Variants in ACAP2 observed in about 807,000 individuals in gnomAD.
The protein encoded by ACAP2 is arf-GAP with coiled-coil, ANK repeat and PH domain-containing protein 2.
Under a neutral mutation model 115.8 loss-of-function variants are expected in ACAP2, and 39 were observed. The ratio of observed to expected loss-of-function variants is 0.34; its 90% CI spans 0.26 to 0.44. ACAP2 has a LOEUF of 0.44. Among genes scored for constraint, ACAP2 ranks in the 20% least tolerant of loss-of-function variants. The probability of loss-of-function intolerance (pLI) is 1.00; values close to 1 mark genes in which losing one functional copy is unlikely to be tolerated. For missense variants in ACAP2, 662 were observed against 927.6 expected (o/e 0.71, Z 3.72); for synonymous variants, 289 against 315.8 (o/e 0.92, Z 0.90).
At chr3:195,352,840 G>A (rs898290354) in intron 4 of ACAP2, among the ~76,000 whole-genome samples, 1 of 152,108 alleles carries the variant, frequency 6.6e-6, no homozygotes, top group African/African-American at 2.4e-5. Context: ...CAGCACTTTG[G>A]GAGGCTGAGG....
chr3:195,354,451 T>A (rs549410108), intron 4 of ACAP2, among the ~76,000 whole-genome samples: 1 of 152,352 alleles, frequency 6.6e-6, no homozygotes, highest in East Asian at 1.9e-4. Flanking sequence ...GAGCTTTTTT[T>A]ATATGAGTGT....
chr3:195,340,327 A>G (rs1287867516), intron 6 of ACAP2, among the ~76,000 whole-genome samples: 2 of 151,778 alleles, frequency 1.3e-5, no homozygotes, highest in African/African-American at 4.8e-5. Context: ...CAATTAGATA[A>G]GGGCAAAAGG....
intron 5 of ACAP2, 76 bp downstream of exon 5, chr3:195,345,183 T>C: frequency 9.7e-7 from 1 of 1,025,966 alleles, no homozygotes; most frequent in Non-Finnish European, 1.5e-6. Context: ...GTATATAACT[T>C]CTTCCAAAAG....
chr3:195,289,596 C>A (rs1188797864), intron 20 of ACAP2, among the ~76,000 whole-genome samples: 2 of 151,308 alleles, frequency 1.3e-5, no homozygotes, highest in African/African-American at 4.9e-5. Flanking sequence ...GTCAGGAGAT[C>A]GAGACCATCC....
intron 4 of ACAP2, among the ~76,000 whole-genome samples, chr3:195,375,722 A>G (rs756347450): frequency 6.6e-6 from 1 of 152,066 alleles, no homozygotes. Context: ...TGAGGCTCCT[A>G]GGAGAATCAC....
At chr3:195,328,286 TA>T (rs1477210524) in intron 8 of ACAP2, among the ~76,000 whole-genome samples, 6 of 152,208 alleles carry the variant, frequency 3.9e-5, no homozygotes, top group Non-Finnish European at 8.8e-5. Flanking sequence ...TTTTAAGTTA[TA>T]TTTTTTTAAA....
intron 1 of ACAP2, among the ~76,000 whole-genome samples, chr3:195,417,619 G>A (rs1465987354): frequency 1.3e-5 from 2 of 152,134 alleles, no homozygotes; most frequent in African/African-American, 4.8e-5. Flanking sequence ...CACACTGCAA[G>A]TACCATGTTC....
At chr3:195,391,258 T>G (rs1043672520) in intron 2 of ACAP2, among the ~76,000 whole-genome samples, 7 of 149,560 alleles carry the variant, frequency 4.7e-5, no homozygotes, top group African/African-American at 1.5e-4. Context: ...AGATGGAGTT[T>G]CACTCTTGTT....
intron 4 of ACAP2, among the ~76,000 whole-genome samples, chr3:195,368,699 T>C (rs1732902272): frequency 6.6e-6 from 1 of 152,236 alleles, no homozygotes; most frequent in South Asian, 2.1e-4. Flanking sequence ...TTCTTCATTT[T>C]TATTTATCAT....
At chr3:195,433,765 TA>T (rs1715320937) in intron 1 of ACAP2, among the ~76,000 whole-genome samples, 1 of 152,256 alleles carries the variant, frequency 6.6e-6, no homozygotes, top group African/African-American at 2.4e-5. Context: ...TTTTGTATAT[TA>T]AATCAACTTT....
At chr3:195,305,747 C>A (rs1032791337) in intron 13 of ACAP2, among the ~76,000 whole-genome samples, 2 of 152,000 alleles carry the variant, frequency 1.3e-5, no homozygotes, top group African/African-American at 2.4e-5. Flanking sequence ...CAAGTTCACG[C>A]AAACGTGGCT....
At chr3:195,398,909 G>GC (rs1712034950) in intron 1 of ACAP2, among the ~76,000 whole-genome samples, 1 of 152,078 alleles carries the variant, frequency 6.6e-6, no homozygotes, top group Non-Finnish European at 1.5e-5. Context: ...ACTCATACGA[G>GC]CCCCTGAGAA....
intron 20 of ACAP2, 39 bp from the exon 21 acceptor site, chr3:195,289,270 A>T (rs760470012): frequency 2.0e-6 from 3 of 1,470,580 alleles, no homozygotes; most frequent in Admixed American, 4.1e-5. Context: ...ATTGTCGATA[A>T]GAAAAAAAAA....
Position 195,333,024 on chromosome 3 carries a change from T to C in ACAP2, c.669+4A>G, listed in dbSNP as rs1367262196. 1 of 1,586,816 alleles carries C rather than the reference T, an allele frequency of 6.3e-7. No individual in the cohort carries two copies. The highest frequency in any genetic ancestry group is 1.4e-5 in the African/African-American group (1 of 73,474). Reference sequence around the variant, plus strand: ...CAGAATCAAGAAATATACTGCAACATTACCTGTGCACCAAGATCCTTCATG... The same window carrying C: ...CAGAATCAAGAAATATACTGCAACACTACCTGTGCACCAAGATCCTTCATG... On this transcript the variant is annotated splice_donor_region_variant and intron_variant, in intron 8 of 22. Coordinates refer to ENST00000326793, the MANE Select transcript of ACAP2 (RefSeq NM_012287.6).
chr3:195,294,031 C>T (rs1297439014), intron 18 of ACAP2, among the ~76,000 whole-genome samples: 1 of 151,360 alleles, frequency 6.6e-6, no homozygotes, highest in African/African-American at 2.4e-5. Flanking sequence ...CCCAGCTACT[C>T]GGGAGGCTGA....
chr3:195,319,239 G>C (rs1423954566), intron 10 of ACAP2, among the ~76,000 whole-genome samples: 1 of 152,222 alleles, frequency 6.6e-6, no homozygotes, highest in African/African-American at 2.4e-5. Flanking sequence ...GTCTGCGGCA[G>C]GGGAGGAGCC....
intron 21 of ACAP2, 145 bp from the exon 22 acceptor site, chr3:195,286,002 G>A: frequency 3.3e-6 from 2 of 600,270 alleles, no homozygotes; most frequent in Non-Finnish European, 5.7e-6. Flanking sequence ...ATCAAACCCA[G>A]CAATCTGAGG....
At chr3:195,402,185 C>G (rs1028024571) in intron 1 of ACAP2, among the ~76,000 whole-genome samples, 6 of 152,128 alleles carry the variant, frequency 3.9e-5, no homozygotes, top group Non-Finnish European at 5.9e-5. Context: ...CAGCTAGTTA[C>G]CAGGTAAACA....
chr3:195,401,859 T>C (rs951185372), intron 1 of ACAP2, among the ~76,000 whole-genome samples: 8 of 152,148 alleles, frequency 5.3e-5, no homozygotes, highest in East Asian at 1.9e-4. Context: ...TTCATCTCCA[T>C]TAAGCCCCAG....
Sources: allele counts gnomAD v4.1 joint callset (sites outside exome capture counted in the v4.1 genomes callset), GRCh38; gene constraint gnomAD v4.1.1; transcripts MANE v1.5; gene names NCBI Gene and HGNC (gene_info 2026-07-23, HGNC 2026-07-21).